Variants in LAPTM4B observed in about 807,000 individuals in gnomAD.
LAPTM4B encodes the protein lysosomal protein transmembrane 4 beta, also known as lysosomal-associated transmembrane protein 4B.
A neutral mutation model predicts 28.5 loss-of-function variants in LAPTM4B; 26 were observed. The observed-to-expected ratio is 0.91, with a 90% CI of 0.67 to 1.27. The LOEUF (loss-of-function observed/expected upper bound fraction) is 1.27, where lower values mean the gene tolerates loss of function less well. Among genes scored for constraint, LAPTM4B ranks in the 50% most tolerant of loss-of-function variants. The pLI is 0.00. For missense variants in LAPTM4B, 288 were observed against 285.8 expected, an observed-to-expected ratio of 1.01 and a Z score of -0.06; for synonymous variants, 109 against 106.4, an observed-to-expected ratio of 1.02 and a Z score of -0.15.
intron 5 of LAPTM4B, among the ~76,000 whole-genome samples, chr8:97,823,092 C>T (rs1817033189): frequency 6.6e-6 from 1 of 152,154 alleles, no homozygotes; most frequent in African/African-American, 2.4e-5. Context: ...CCGCCCACCT[C>T]GGCCTCCTAA....
chr8:97,776,401 C>G (rs1174313289), intron 1 of LAPTM4B, among the ~76,000 whole-genome samples: 1 of 152,202 alleles, frequency 6.6e-6, no homozygotes, highest in Non-Finnish European at 1.5e-5. Context: ...CCGCGCAGCC[C>G]CGCGGCCTCG....
At chr8:97,829,482 G>T (rs1406891484) in intron 6 of LAPTM4B, among the ~76,000 whole-genome samples, 1 of 152,064 alleles carries the variant, frequency 6.6e-6, no homozygotes, top group African/African-American at 2.4e-5. Flanking sequence ...TAAGGAAGAC[G>T]GGAGGTTACC....
At chr8:97,842,605 G>A (rs537667500) in intron 6 of LAPTM4B, among the ~76,000 whole-genome samples, 4 of 151,950 alleles carry the variant, frequency 2.6e-5, no homozygotes, top group Non-Finnish European at 4.4e-5. Context: ...TACAAGCTCC[G>A]CCTCTTGGGT....
At chr8:97,821,570 G>C (rs1370136135) in intron 5 of LAPTM4B, among the ~76,000 whole-genome samples, 1 of 148,340 alleles carries the variant, frequency 6.7e-6, no homozygotes, top group Non-Finnish European at 1.5e-5. Flanking sequence ...AGGACGTGAG[G>C]ATAGAAAGGT....
chr8:97,786,673 C>G lies in LAPTM4B; in HGVS notation c.99+10565C>G, dbSNP rs1168025157. On this transcript the variant is annotated intron_variant, in intron 1 of 6. Transcript: ENST00000521545. ...GAGATCGTGCCGCTACACTCCAGCC[C>G]GGGCAACAGAGCGAGACTCCCGTCT... is the stretch of plus-strand genomic sequence containing the variant. 2.0e-5 allele frequency among the ~76,000 whole-genome samples: 3 copies of G among 148,862 alleles called. No individual in the cohort carries two copies. The Admixed American group carries it at 2.0e-4, about 10-fold the overall frequency.
chr8:97,838,124 G>C (rs1194715197), intron 6 of LAPTM4B, among the ~76,000 whole-genome samples: 1 of 152,214 alleles, frequency 6.6e-6, no homozygotes, highest in Non-Finnish European at 1.5e-5. Flanking sequence ...AGGCAGATGG[G>C]AGAGCTGTCA....
chr8:97,810,262 A>G (rs1456830863), intron 2 of LAPTM4B, among the ~76,000 whole-genome samples: 1 of 152,214 alleles, frequency 6.6e-6, no homozygotes, highest in Non-Finnish European at 1.5e-5. Flanking sequence ...ATACTGGGAA[A>G]GAATGTGGAA....
chr8:97,831,397 A>G (rs1329839572), intron 6 of LAPTM4B, among the ~76,000 whole-genome samples: 2 of 152,162 alleles, frequency 1.3e-5, no homozygotes, highest in Non-Finnish European at 2.9e-5. Flanking sequence ...CTATTTGCCA[A>G]TCTTTTGTGG....
chr8:97,788,847 A>G lies in LAPTM4B; in HGVS notation c.99+12739A>G, dbSNP rs148714450. Among the ~76,000 whole-genome samples, 534 of 151,442 alleles carry G rather than the reference A, an allele frequency of 3.5e-3. 2 individuals carry two copies. Among genetic ancestry groups the G allele is most frequent in the African/African-American group, 0.012 (497 of 41,246 alleles). ...GTAGCTGAGACTACGGGTGTCTGTC[A>G]CCACGTCCGGCTAATTTTTTGTATT... is the stretch of plus-strand genomic sequence containing the variant. On this transcript the variant is annotated intron_variant, in intron 1 of 6. Transcript: ENST00000521545.
chr8:97,842,071 G>C (rs567949850), intron 6 of LAPTM4B, among the ~76,000 whole-genome samples: 2 of 152,260 alleles, frequency 1.3e-5, no homozygotes, highest in East Asian at 3.9e-4. Flanking sequence ...GGTTTTGGGG[G>C]CCATATAGTC....
rs1021148272 is a variant in LAPTM4B at position 97,829,408 on chromosome 8, G to A, written c.603+4255G>A. On this transcript the variant is annotated intron_variant, in intron 6 of 6. Coordinates refer to ENST00000521545, the MANE Select transcript of LAPTM4B (RefSeq NM_018407.6). ...GACTGTTTGTGATGAGAGTGGGACT[G>A]GAATGCTCCAATTTTCTGGTTGATG... Among the ~76,000 whole-genome samples the A allele has an allele frequency of 5.9e-5, 9 of 152,154 alleles. No homozygotes were observed. In the South Asian group the frequency reaches 8.3e-4, roughly 14 times the overall value.
intron 6 of LAPTM4B, among the ~76,000 whole-genome samples, chr8:97,825,414 A>G (rs1033337144): frequency 6.6e-6 from 1 of 152,244 alleles, no homozygotes. Context: ...TAGATAATAT[A>G]TGTACCTTAC....
chr8:97,818,889 A>G (rs1360137382), intron 4 of LAPTM4B, among the ~76,000 whole-genome samples: 2 of 146,240 alleles, frequency 1.4e-5, no homozygotes, highest in Non-Finnish European at 3.0e-5. Flanking sequence ...AAAAAAAAGG[A>G]ATGGTTCAGA....
At chr8:97,823,435 C>T (rs760433981) in intron 5 of LAPTM4B, among the ~76,000 whole-genome samples, 17 of 146,892 alleles carry the variant, frequency 1.2e-4, no homozygotes, top group African/African-American at 3.6e-4. Context: ...AGTGCAGTGG[C>T]GCAATCTCGG....
At chr8:97,823,906 C>T (rs1817052050) in intron 5 of LAPTM4B, among the ~76,000 whole-genome samples, 1 of 150,706 alleles carries the variant, frequency 6.6e-6, no homozygotes, top group South Asian at 2.1e-4. Context: ...ACTGTGTTGC[C>T]CAGGCTGTTC....
rs1315184459 is a variant in LAPTM4B at position 97,823,355 on chromosome 8, T to G, written c.508-1703T>G. On this transcript the variant is annotated intron_variant, in intron 5 of 6. Coordinates refer to ENST00000521545, the MANE Select transcript of LAPTM4B (RefSeq NM_018407.6). Reference sequence around the variant, plus strand: ...CATCATACAATATGGTTTTTTTTTTTGTTTTTTTTTTGTTGTTGTTGTTGT... The same window carrying G: ...CATCATACAATATGGTTTTTTTTTTGGTTTTTTTTTTGTTGTTGTTGTTGT... Among the ~76,000 whole-genome samples, 3 of 33,852 alleles carry G rather than the reference T, an allele frequency of 8.9e-5. No homozygotes were observed. In the South Asian group the frequency reaches 2.7e-3, roughly 30 times the overall value. The allele number at this position is 33,852 out of a possible 152,430, so 22.2% of individuals were successfully genotyped here.
chr8:97,817,807 C>G (rs1816945521), intron 4 of LAPTM4B, among the ~76,000 whole-genome samples: 1 of 151,702 alleles, frequency 6.6e-6, no homozygotes, highest in African/African-American at 2.4e-5. Flanking sequence ...CCAGGCTGGT[C>G]TCGAACTCCT....
At chr8:97,803,304 G>C (rs1042333288) in intron 1 of LAPTM4B, among the ~76,000 whole-genome samples, 1 of 151,604 alleles carries the variant, frequency 6.6e-6, no homozygotes, top group Non-Finnish European at 1.5e-5. Flanking sequence ...CCTGAGACAG[G>C]GTCTCACTCT....
At chr8:97,777,977 A>G (rs1299191638) in intron 1 of LAPTM4B, among the ~76,000 whole-genome samples, 1 of 152,198 alleles carries the variant, frequency 6.6e-6, no homozygotes, top group Non-Finnish European at 1.5e-5. Context: ...CATTAGGCAA[A>G]TGTACTACGT....
Sources: gnomAD v4.1 joint callset for allele counts (sites outside exome capture counted in the v4.1 genomes callset) on GRCh38, gnomAD v4.1.1 for gene constraint, MANE v1.5 for transcripts, NCBI Gene and HGNC (gene_info 2026-07-23, HGNC 2026-07-21) for gene names.